The following DLGAP2 variants were observed in gnomAD, a reference collection of about 807,000 sequenced individuals.
DLGAP2 encodes disks large-associated protein 2.
In DLGAP2, 26 loss-of-function variants were observed where a neutral mutation model predicts 100.3. The observed-to-expected ratio is 0.26, with a 90% CI of 0.19 to 0.36. The LOEUF (loss-of-function observed/expected upper bound fraction) is 0.36, where lower values mean the gene tolerates loss of function less well. Ranked by LOEUF, DLGAP2 falls within the 10% of genes least tolerant of loss-of-function variation. The pLI is 1.00. For synonymous variants in DLGAP2, 886 were observed against 630.1 expected, an observed-to-expected ratio of 1.41 and a Z score of -6.08; for missense variants, 1,858 against 1,453.2, an observed-to-expected ratio of 1.28 and a Z score of -4.53.
intron 2 of DLGAP2, among the ~76,000 whole-genome samples, chr8:1,063,257 G>T (rs1355110742): frequency 6.6e-6 from 1 of 152,242 alleles, no homozygotes; most frequent in East Asian, 1.9e-4. Context: ...TGACCAAGTG[G>T]ACTGTCCTCT....
chr8:993,841 G>A (rs1029066872), intron 2 of DLGAP2, among the ~76,000 whole-genome samples: 2 of 114,590 alleles, frequency 1.7e-5, no homozygotes, highest in East Asian at 2.9e-4. Flanking sequence ...GCTTTCTGTT[G>A]AGGGCCTTTC....
intron 2 of DLGAP2, among the ~76,000 whole-genome samples, chr8:1,147,255 C>T (rs11783629): frequency 1.5e-3 from 231 of 151,940 alleles, no homozygotes; most frequent in Non-Finnish European, 2.4e-3. Flanking sequence ...ACTTTATGTG[C>T]GTCAAAAAAA....
intron 2 of DLGAP2, among the ~76,000 whole-genome samples, chr8:1,080,115 C>T (rs914581526): frequency 6.6e-6 from 1 of 152,212 alleles, no homozygotes; most frequent in African/African-American, 2.4e-5. Context: ...GCCATGTGGC[C>T]GTGCTGCAGG....
chr8:895,328 T>C (rs1023368705), intron 1 of DLGAP2, among the ~76,000 whole-genome samples: 10 of 152,112 alleles, frequency 6.6e-5, no homozygotes, highest in African/African-American at 2.2e-4. Context: ...CTTAAAATTA[T>C]GGATGTGTAT....
At chr8:967,824 A>ATCTATATC (rs1799914177) in intron 2 of DLGAP2, among the ~76,000 whole-genome samples, 1 of 2,350 alleles carries the variant, frequency 4.3e-4, no homozygotes, top group South Asian at 0.024. Flanking sequence ...CACTATATAT[A>ATCTATATC]TATATATATA....
chr8:1,298,786 G>T (rs1237817147), intron 3 of DLGAP2, among the ~76,000 whole-genome samples: 1 of 152,358 alleles, frequency 6.6e-6, no homozygotes, highest in South Asian at 2.1e-4. Flanking sequence ...TATTTGCAAA[G>T]ATCGTCTTGA....
intron 2 of DLGAP2, among the ~76,000 whole-genome samples, chr8:1,217,874 A>G (rs998310176): frequency 6.6e-6 from 1 of 152,076 alleles, no homozygotes; most frequent in Non-Finnish European, 1.5e-5. Flanking sequence ...TAGGATTTTT[A>G]AAATATGCTT....
intron 3 of DLGAP2, among the ~76,000 whole-genome samples, chr8:1,469,802 A>T (rs1798729443): frequency 6.6e-6 from 1 of 152,140 alleles, no homozygotes; most frequent in African/African-American, 2.4e-5. Context: ...CCAACTTTAA[A>T]AGTCCATGTA....
chr8:1,518,689 A>G (rs1800481941), intron 4 of DLGAP2, among the ~76,000 whole-genome samples: 1 of 152,196 alleles, frequency 6.6e-6, no homozygotes, highest in African/African-American at 2.4e-5. Flanking sequence ...TCTTGAGTAA[A>G]TTATGGAGTC....
At chr8:872,030 CAG>C (rs991716565) in intron 1 of DLGAP2, among the ~76,000 whole-genome samples, 2 of 152,094 alleles carry the variant, frequency 1.3e-5, no homozygotes, top group Non-Finnish European at 2.9e-5. Context: ...ATGATTATAA[CAG>C]ATATTTTTGT....
Position 1,704,407 on chromosome 8 carries a change from A to T in DLGAP2, c.*3001A>T, listed in dbSNP as rs1182655255. 6.6e-6 allele frequency: 1 copy of T among 152,238 alleles called. No individual in the cohort carries two copies. Among genetic ancestry groups the T allele is most frequent in the East Asian group, 1.9e-4 (1 of 5,198 alleles). 9.4% of individuals were successfully genotyped at this position (152,238 alleles called of 1,614,324 possible). A position where few individuals can be genotyped will look rare whatever the true frequency, so the allele number is the denominator to read the frequency against. Reference sequence around the variant, plus strand: ...CCTGCTGTGTTGAAGGCTGTGGTTAATAAAACACAAGTATGATAAACAGGA... The same window carrying T: ...CCTGCTGTGTTGAAGGCTGTGGTTATTAAAACACAAGTATGATAAACAGGA... On this transcript the variant is annotated 3_prime_UTR_variant, in exon 15 of 15. Coordinates refer to ENST00000637795, the MANE Select transcript of DLGAP2 (RefSeq NM_001346810.2).
At chr8:918,423 C>T (rs559626483) in intron 2 of DLGAP2, among the ~76,000 whole-genome samples, 15 of 152,258 alleles carry the variant, frequency 9.9e-5, no homozygotes, top group Admixed American at 4.6e-4. Flanking sequence ...TAACCATGCA[C>T]GTTTAGTTCT....
intron 3 of DLGAP2, among the ~76,000 whole-genome samples, chr8:1,389,080 C>T (rs560240752): frequency 3.3e-5 from 5 of 151,164 alleles, no homozygotes; most frequent in Non-Finnish European, 5.9e-5. Flanking sequence ...GATGAGGAGG[C>T]TCTGGTTCAG....
At position 1,548,889 on chromosome 8, in the gene DLGAP2, G is replaced by T; in HGVS notation, c.436G>T (p.Val146Leu). The change falls in exon 5 of 15, where the codon GTG becomes TTG. Residue 146 changes from valine (V) to leucine (L), a missense_variant. By Grantham distance (32) the Val-to-Leu change is conservative. Coordinates refer to ENST00000637795, the MANE Select transcript of DLGAP2 (RefSeq NM_001346810.2). ...SPRSSVHSEC[V>L]MMPVVLGDHV... ...GCGCAGCTCGGTGCACTCGGAGTGC[G>T]TGATGATGCCGGTGGTGCTGGGCGA... is the stretch of plus-strand genomic sequence containing the variant. The T allele has an allele frequency of 6.3e-7, 1 of 1,596,878 alleles. No homozygotes were observed. Among genetic ancestry groups the T allele is most frequent in the Non-Finnish European group, 8.5e-7 (1 of 1,178,150 alleles).
At chr8:822,683 G>T (rs1026043024) in intron 1 of DLGAP2, among the ~76,000 whole-genome samples, 1 of 152,206 alleles carries the variant, frequency 6.6e-6, no homozygotes, top group Non-Finnish European at 1.5e-5. Context: ...CTGTTTTCCA[G>T]TGGCTTTCAA....
chr8:823,226 C>T (rs146670092), intron 1 of DLGAP2, among the ~76,000 whole-genome samples: 161 of 152,218 alleles, frequency 1.1e-3, no homozygotes, highest in Admixed American at 1.9e-3. Flanking sequence ...ACCAAGTTGC[C>T]ACCTCAGGAA....
chr8:904,129 C>A (rs933738187), intron 1 of DLGAP2, among the ~76,000 whole-genome samples: 3 of 152,232 alleles, frequency 2.0e-5, no homozygotes, highest in Non-Finnish European at 4.4e-5. Context: ...CTGCATATGA[C>A]GAGGCCACTG....
At chr8:1,540,812 C>G (rs569951684) in intron 4 of DLGAP2, among the ~76,000 whole-genome samples, 1 of 152,374 alleles carries the variant, frequency 6.6e-6, no homozygotes, top group African/African-American at 2.4e-5. Flanking sequence ...CTGGATAATA[C>G]AGTTCCACCT....
chr8:1,226,012 G>GT (rs757162061), intron 2 of DLGAP2, among the ~76,000 whole-genome samples: 23 of 151,848 alleles, frequency 1.5e-4, no homozygotes, highest in Non-Finnish European at 2.4e-4. Context: ...TTTCTCATAG[G>GT]TATATATGCA....
Sources: gnomAD v4.1 joint callset for allele counts (sites outside exome capture counted in the v4.1 genomes callset) on GRCh38, gnomAD v4.1.1 for gene constraint, MANE v1.5 for transcripts, NCBI Gene and HGNC (gene_info 2026-07-23, HGNC 2026-07-21) for gene names.